TLK2: variants seen among roughly 807,000 people sequenced by gnomAD.
TLK2 encodes the protein serine/threonine-protein kinase tousled-like 2.
In TLK2, 6 loss-of-function variants were observed where a neutral mutation model predicts 117.3. That is an observed-to-expected ratio of 0.05 (90% CI 0.03 to 0.10). The LOEUF is 0.10. Ranked by LOEUF, TLK2 falls within the 10% of genes least tolerant of loss-of-function variation. The pLI, the probability that TLK2 is intolerant of heterozygous loss-of-function variation, is 1.00. For missense variants in TLK2, 299 were observed against 901.2 expected, an observed-to-expected ratio of 0.33 and a Z score of 8.56; for synonymous variants, 257 against 316.7, an observed-to-expected ratio of 0.81 and a Z score of 2.00.
intron 2 of TLK2, among the ~76,000 whole-genome samples, chr17:62,486,947 T>G (rs1427731293): frequency 8.5e-5 from 13 of 152,198 alleles, no homozygotes; most frequent in Admixed American, 7.9e-4. Flanking sequence ...TTACAATAAC[T>G]TACACTTGTG....
intron 15 of TLK2, chr17:62,585,498 G>A (rs181824075): frequency 2.6e-5 from 4 of 152,296 alleles, no homozygotes; most frequent in Admixed American, 6.6e-5. Context: ...AGATTGCACC[G>A]TTGCACTCCA....
At chr17:62,606,277 T>A (rs2083293497) in intron 20 of TLK2, 36 bp downstream of exon 20, 1 of 1,367,078 alleles carries the variant, frequency 7.3e-7, no homozygotes, top group Non-Finnish European at 1.0e-6. Flanking sequence ...CTTGATCTCT[T>A]TCTTGGGTGG....
intron 7 of TLK2, 142 bp from the exon 8 acceptor site, chr17:62,552,160 C>T: frequency 1.1e-6 from 1 of 872,886 alleles, no homozygotes; most frequent in Non-Finnish European, 1.8e-6. Context: ...TTCTTCTTGG[C>T]CACGTGGCCC....
chr17:62,483,189 C>T, intron 2 of TLK2, among the ~76,000 whole-genome samples: 1 of 151,796 alleles, frequency 6.6e-6, no homozygotes, highest in East Asian at 1.9e-4. Flanking sequence ...TTTAAATGGT[C>T]CCCCCACCCC....
chr17:62,542,964 T>A (rs1435929654), intron 7 of TLK2, among the ~76,000 whole-genome samples: 1 of 152,244 alleles, frequency 6.6e-6, no homozygotes, highest in Non-Finnish European at 1.5e-5. Context: ...ATTAGCATTA[T>A]AACATGTCTA....
At chr17:62,595,037 C>G (rs1405375353) in intron 16 of TLK2, among the ~76,000 whole-genome samples, 1 of 152,326 alleles carries the variant, frequency 6.6e-6, no homozygotes, top group Non-Finnish European at 1.5e-5. Flanking sequence ...TCTCGCCTCA[C>G]TGCAACCTCC....
chr17:62,612,179 A>C (rs2083843873), intron 21 of TLK2: 1 of 478,112 alleles, frequency 2.1e-6, no homozygotes, highest in African/African-American at 2.0e-5. Context: ...TCTGTCTGAG[A>C]AGGGATCGGT....
rs1211156129 is a variant in TLK2, at chr17:62,614,930, C to G, written c.*2365C>G. 6.6e-6 allele frequency: 1 copy of G among 152,150 alleles called. No individual in the cohort carries two copies. The highest frequency in any genetic ancestry group is 1.5e-5 in the Non-Finnish European group (1 of 68,012). The allele number at this position is 152,150 out of a possible 1,614,324, so 9.4% of individuals were successfully genotyped here. ...AGTTCTATTCCTTTTTTCTTCCTCT[C>G]CAATGATCTTGCAGTTGATTTGTTT... is the stretch of plus-strand genomic sequence containing the variant. On this transcript the variant is annotated 3_prime_UTR_variant, in exon 22 of 22. Transcript: ENST00000346027.
At position 62,612,994 on chromosome 17, in the gene TLK2, A is replaced by G. The variant is rs1217775993; in HGVS notation, c.*429A>G. On this transcript the variant is annotated 3_prime_UTR_variant, in exon 22 of 22. Transcript: ENST00000346027. ...TATTTAAACTTGTTCTTTTCTTTTA[A>G]TAAAGTTTAGGTAACATCTCCTGAA... 1 of 153,048 alleles carries G rather than the reference A, an allele frequency of 6.5e-6. No individual in the cohort carries two copies. The highest frequency in any genetic ancestry group is 6.5e-5 in the Admixed American group (1 of 15,294). The allele number at this position is 153,048 out of a possible 1,614,324, so 9.5% of individuals were successfully genotyped here.
chr17:62,471,548 G>C (rs931072419), intron 1 of TLK2, among the ~76,000 whole-genome samples: 2 of 152,206 alleles, frequency 1.3e-5, no homozygotes, highest in African/African-American at 2.4e-5. Context: ...GTCTTTAGCT[G>C]CTCTCCTCTC....
intron 2 of TLK2, among the ~76,000 whole-genome samples, chr17:62,513,417 C>G (rs1314353349): frequency 6.7e-6 from 1 of 149,208 alleles, no homozygotes; most frequent in African/African-American, 2.5e-5. Flanking sequence ...TGCACTCGCA[C>G]TCCTGAGCTC....
intron 10 of TLK2, among the ~76,000 whole-genome samples, chr17:62,562,535 G>T (rs1171076208): frequency 6.6e-6 from 1 of 151,978 alleles, no homozygotes; most frequent in East Asian, 1.9e-4. Flanking sequence ...ATAAAAATAC[G>T]CAAATGGCAA....
chr17:62,499,569 G>T (rs1433892898), intron 2 of TLK2, among the ~76,000 whole-genome samples: 5 of 152,044 alleles, frequency 3.3e-5, no homozygotes, highest in Admixed American at 3.3e-4. Flanking sequence ...TTATTTGTTT[G>T]CCAGGCAAGG....
intron 4 of TLK2, 40 bp downstream of exon 4, chr17:62,522,313 A>T (rs1449503269): frequency 6.4e-7 from 1 of 1,573,454 alleles, no homozygotes; most frequent in East Asian, 2.2e-5. Flanking sequence ...CTCAATTCTA[A>T]TGTACTTAGA....
At position 62,612,889 on chromosome 17, in the gene TLK2, G is replaced by C. The variant is rs2147365955; in HGVS notation, c.*324G>C. On this transcript the variant is annotated 3_prime_UTR_variant, in exon 22 of 22. Coordinates refer to ENST00000346027, the MANE Select transcript of TLK2 (RefSeq NM_006852.6). ...TGTACTGTGAACTTGAAAACTTGCA[G>C]ACTCAGGGGGGTCCCTGATGCAGTG... The C allele has an allele frequency of 1.1e-5, 2 of 174,494 alleles. No homozygotes were observed. The highest frequency in any genetic ancestry group is 4.7e-5 in the African/African-American group (2 of 42,424). 10.8% of individuals were successfully genotyped at this position (174,494 alleles called of 1,614,324 possible). A position where few individuals can be genotyped will look rare whatever the true frequency, so the allele number is the denominator to read the frequency against.
intron 11 of TLK2, among the ~76,000 whole-genome samples, chr17:62,572,318 C>T (rs2080375302): frequency 6.6e-6 from 1 of 152,044 alleles, no homozygotes; most frequent in African/African-American, 2.4e-5. Flanking sequence ...GACTTAAAGA[C>T]TAACCTGTTA....
chr17:62,522,195 A>G lies in TLK2; in HGVS notation c.154-9A>G. On this transcript the variant is annotated splice_polypyrimidine_tract_variant and intron_variant, in intron 3 of 21. Coordinates refer to ENST00000346027, the MANE Select transcript of TLK2 (RefSeq NM_006852.6). Reference sequence around the variant, plus strand: ...AAATGCTAATTGTGACTTATATGGTATTTGACAGACTCCCGAGAAAAAGCA... The same window carrying G: ...AAATGCTAATTGTGACTTATATGGTGTTTGACAGACTCCCGAGAAAAAGCA... The G allele has an allele frequency of 6.2e-7, 1 of 1,613,004 alleles. No individual in the cohort carries two copies. Among genetic ancestry groups the G allele is most frequent in the East Asian group, 2.2e-5 (1 of 44,826 alleles).
At chr17:62,602,264 A>G in intron 19 of TLK2, 84 bp downstream of exon 19, 1 of 1,415,876 alleles carries the variant, frequency 7.1e-7, no homozygotes, top group East Asian at 2.5e-5. Context: ...TAATTGCTGT[A>G]TGCTATCTGC....
intron 12 of TLK2, among the ~76,000 whole-genome samples, chr17:62,574,740 T>C (rs1439029067): frequency 2.0e-5 from 3 of 152,128 alleles, no homozygotes; most frequent in African/African-American, 7.2e-5. Flanking sequence ...GGTCTTGAAC[T>C]CCTGACCTCA....
Sources: allele counts gnomAD v4.1 joint callset (sites outside exome capture counted in the v4.1 genomes callset), GRCh38; gene constraint gnomAD v4.1.1; transcripts MANE v1.5; gene names NCBI Gene and HGNC (gene_info 2026-07-23, HGNC 2026-07-21).